CCDC6: variants seen among roughly 807,000 people sequenced by gnomAD.
The protein encoded by CCDC6 is coiled-coil domain-containing protein 6.
CCDC6 carries 20 observed loss-of-function variants against 56.6 expected under a neutral mutation model. The observed-to-expected ratio is 0.35, with a 90% CI of 0.25 to 0.51. The LOEUF (loss-of-function observed/expected upper bound fraction) is 0.51. Among genes scored for constraint, CCDC6 ranks in the 20% least tolerant of loss-of-function variants. The pLI is 0.95. For synonymous variants in CCDC6, 241 were observed against 234.4 expected, an observed-to-expected ratio of 1.03 and a Z score of -0.26; for missense variants, 367 against 601.1, an observed-to-expected ratio of 0.61 and a Z score of 4.07.
intron 4 of CCDC6, among the ~76,000 whole-genome samples, chr10:59,814,083 C>T (rs2070693281): frequency 6.6e-6 from 1 of 152,156 alleles, no homozygotes. Context: ...AAAATAAGGG[C>T]TTAACTATCT....
chr10:59,867,547 A>G (rs1010870057), intron 1 of CCDC6, among the ~76,000 whole-genome samples: 4 of 152,100 alleles, frequency 2.6e-5, no homozygotes, highest in African/African-American at 9.7e-5. Flanking sequence ...TTTTTCAACC[A>G]ATTGCCAATC....
intron 1 of CCDC6, among the ~76,000 whole-genome samples, chr10:59,880,320 T>C (rs749217578): frequency 6.6e-6 from 1 of 152,122 alleles, no homozygotes. Flanking sequence ...TTTTGCCCTA[T>C]AGTAACAAAT....
chr10:59,886,631 A>T (rs761737249), intron 1 of CCDC6, among the ~76,000 whole-genome samples: 52 of 152,228 alleles, frequency 3.4e-4, no homozygotes, highest in Non-Finnish European at 6.2e-4. Flanking sequence ...ATTATAAATG[A>T]CATCAAGAAA....
At chr10:59,803,175 T>C (rs925344468) in intron 7 of CCDC6, among the ~76,000 whole-genome samples, 2 of 152,166 alleles carry the variant, frequency 1.3e-5, no homozygotes, top group African/African-American at 4.8e-5. Flanking sequence ...GTTGTGATGA[T>C]TGTGCCACTG....
intron 7 of CCDC6, among the ~76,000 whole-genome samples, chr10:59,799,727 C>T (rs1250268825): frequency 2.0e-5 from 3 of 152,212 alleles, no homozygotes; most frequent in African/African-American, 7.2e-5. Context: ...CAGCACCTCA[C>T]TCATCCTTTG....
chr10:59,900,165 C>T lies in CCDC6; in HGVS notation c.303+5957G>A, dbSNP rs568715196. On this transcript the variant is annotated intron_variant, in intron 1 of 8. Coordinates refer to ENST00000263102, the MANE Select transcript of CCDC6 (RefSeq NM_005436.5). ...CCCCCAAAGAAATTTACACATGAAC[C>T]GGGAAAGATCTCGATAGTCGAGTGT... Among the ~76,000 whole-genome samples the T allele has an allele frequency of 7.2e-5, 11 of 151,918 alleles. No homozygotes were observed. In the East Asian group the frequency reaches 1.2e-3, roughly 16 times the overall value.
At chr10:59,818,707 G>C (rs1018962270) in intron 3 of CCDC6, among the ~76,000 whole-genome samples, 1 of 152,114 alleles carries the variant, frequency 6.6e-6, no homozygotes, top group Non-Finnish European at 1.5e-5. Context: ...CCAGGATTGG[G>C]TCCTGCTTTG....
chr10:59,793,097 C>A lies in CCDC6; in HGVS notation c.1245G>T (p.Arg415=), dbSNP rs1227289394. The change falls in exon 9 of 9, where the codon CGG becomes CGT. Residue 415 remains arginine, a synonymous_variant. Transcript: ENST00000263102. ...TSHGITRPSP[R]RSNSPDKFKR... ...TGAATTTGTCAGGACTGTTGCTTCT[C>A]CGTGGTGAAGGCCTCTGCAGAGGGG... is the stretch of plus-strand genomic sequence containing the variant. 1 of 1,614,088 alleles carries A rather than the reference C, an allele frequency of 6.2e-7. No individual in the cohort carries two copies. Among genetic ancestry groups the A allele is most frequent in the South Asian group, 1.1e-5 (1 of 91,066 alleles).
At chr10:59,823,614 C>A (rs2070763964) in intron 3 of CCDC6, among the ~76,000 whole-genome samples, 1 of 151,924 alleles carries the variant, frequency 6.6e-6, no homozygotes, top group African/African-American at 2.4e-5. Context: ...AGGGCAACTT[C>A]TCTTGCCCTA....
rs183855031 is a variant in CCDC6 at position 59,904,916 on chromosome 10, C to T, written c.303+1206G>A. ...CTCCTCCACCGAAGGCATTTCCTGG[C>T]ACAAGGGGCATCCTAAACTTGCTCC... On this transcript the variant is annotated intron_variant, in intron 1 of 8. Coordinates refer to ENST00000263102, the MANE Select transcript of CCDC6 (RefSeq NM_005436.5). 2.1e-4 allele frequency among the ~76,000 whole-genome samples: 32 copies of T among 152,328 alleles called. 1 individual carries two copies. The highest frequency in any genetic ancestry group is 1.6e-3 in the Admixed American group (24 of 15,296).
chr10:59,852,350 T>C (rs1300822434), intron 2 of CCDC6, among the ~76,000 whole-genome samples: 1 of 152,170 alleles, frequency 6.6e-6, no homozygotes, highest in African/African-American at 2.4e-5. Context: ...ACAAAATAGC[T>C]TACCTAACAT....
At chr10:59,845,410 T>C (rs1199919610) in intron 2 of CCDC6, among the ~76,000 whole-genome samples, 4 of 141,734 alleles carry the variant, frequency 2.8e-5, no homozygotes, top group Non-Finnish European at 4.5e-5. Flanking sequence ...CCTTAGTACA[T>C]GCACATGTGC....
At chr10:59,884,403 T>A (rs2071367639) in intron 1 of CCDC6, among the ~76,000 whole-genome samples, 1 of 152,220 alleles carries the variant, frequency 6.6e-6, no homozygotes, top group South Asian at 2.1e-4. Context: ...CTCTAAAAAC[T>A]GGCAACTCTA....
At chr10:59,794,395 A>C in intron 8 of CCDC6, 78 bp downstream of exon 8, 3 of 1,468,968 alleles carry the variant, frequency 2.0e-6, no homozygotes, top group Non-Finnish European at 2.8e-6. Flanking sequence ...GTCTAAGGGC[A>C]CCGATCCTGT....
intron 3 of CCDC6, among the ~76,000 whole-genome samples, 162 bp from the exon 4 acceptor site, chr10:59,814,917 GA>G (rs914608587): frequency 3.1e-4 from 41 of 133,456 alleles, no homozygotes; most frequent in African/African-American, 1.2e-3. Context: ...CTTAAACTTT[GA>G]AAAAAACTAG....
At chr10:59,878,446 G>A (rs1332851502) in intron 1 of CCDC6, among the ~76,000 whole-genome samples, 1 of 152,044 alleles carries the variant, frequency 6.6e-6, no homozygotes, top group Non-Finnish European at 1.5e-5. Flanking sequence ...TACTGCAAGG[G>A]AAAACTCGCC....
chr10:59,858,644 T>C (rs2071098819), intron 1 of CCDC6, among the ~76,000 whole-genome samples: 1 of 152,164 alleles, frequency 6.6e-6, no homozygotes, highest in Admixed American at 6.5e-5. Flanking sequence ...TCTGGGCATG[T>C]CCTAATGCAC....
intron 1 of CCDC6, among the ~76,000 whole-genome samples, chr10:59,870,896 G>C (rs534009664): frequency 6.6e-6 from 1 of 152,212 alleles, no homozygotes; most frequent in Non-Finnish European, 1.5e-5. Context: ...TATTAAATGA[G>C]AGCACCATGA....
intron 2 of CCDC6, among the ~76,000 whole-genome samples, chr10:59,841,156 A>G (rs890951084): frequency 6.6e-6 from 1 of 152,170 alleles, no homozygotes; most frequent in Admixed American, 6.5e-5. Flanking sequence ...CATGACGTCA[A>G]TCTAACCACA....
Sources: allele counts gnomAD v4.1 joint callset (sites outside exome capture counted in the v4.1 genomes callset), GRCh38; gene constraint gnomAD v4.1.1; transcripts MANE v1.5; gene names NCBI Gene and HGNC (gene_info 2026-07-23, HGNC 2026-07-21).